Variants in PGM2L1 observed in about 807,000 individuals in gnomAD.
The protein encoded by PGM2L1 is glucose 1,6-bisphosphate synthase.
In PGM2L1, 35 loss-of-function variants were observed where a neutral mutation model predicts 73.4. The ratio of observed to expected loss-of-function variants is 0.48; its 90% CI spans 0.36 to 0.63. The LOEUF is 0.63. Among genes scored for constraint, PGM2L1 ranks in the 30% least tolerant of loss-of-function variants. PGM2L1 has a pLI of 0.00. For synonymous variants in PGM2L1, 225 were observed against 253.8 expected (o/e 0.89, Z 1.08); for missense variants, 570 against 742.0 (o/e 0.77, Z 2.69).
At chr11:74,354,725 C>A (rs536144664) in intron 5 of PGM2L1, 3 of 1,075,494 alleles carry the variant, frequency 2.8e-6, no homozygotes, top group East Asian at 4.7e-5. Context: ...AGAGAAAATT[C>A]TCAAACACCA....
chr11:74,374,118 T>A (rs1285405307), intron 2 of PGM2L1, among the ~76,000 whole-genome samples: 1 of 148,334 alleles, frequency 6.7e-6, no homozygotes, highest in African/African-American at 2.5e-5. Flanking sequence ...AGAGTCTCGC[T>A]CTGTTGCCAG....
intron 1 of PGM2L1, among the ~76,000 whole-genome samples, chr11:74,391,336 A>T (rs1863099238): frequency 6.6e-6 from 1 of 151,874 alleles, no homozygotes. Context: ...TAGATGCTGA[A>T]TTCTTTTTCA....
rs1862089221 is a variant in PGM2L1, at chr11:74,335,956, A to C, written c.*696T>G. The C allele has an allele frequency of 6.6e-6, 1 of 152,632 alleles. No homozygotes were observed. The highest frequency in any genetic ancestry group is 1.5e-5 in the Non-Finnish European group (1 of 68,038). The allele number at this position is 152,632 out of a possible 1,614,324, so 9.5% of individuals were successfully genotyped here. On this transcript the variant is annotated 3_prime_UTR_variant, in exon 14 of 14. Coordinates refer to ENST00000298198, the MANE Select transcript of PGM2L1 (RefSeq NM_173582.6). ...ACCAGACCCTGAGAAGGCACTGAGAAATTTGATAAGAACAAAGCCAATAGG... is the reference window on the plus strand; with the variant it reads ...ACCAGACCCTGAGAAGGCACTGAGACATTTGATAAGAACAAAGCCAATAGG...
At chr11:74,350,890 A>G (rs1016034197) in intron 6 of PGM2L1, among the ~76,000 whole-genome samples, 1 of 114,380 alleles carries the variant, frequency 8.7e-6, no homozygotes, top group Non-Finnish European at 2.0e-5. Flanking sequence ...AAAAAAGGAA[A>G]GAAAGAAAGA....
intron 4 of PGM2L1, among the ~76,000 whole-genome samples, chr11:74,370,405 C>T (rs1862734476): frequency 6.6e-6 from 1 of 152,126 alleles, no homozygotes; most frequent in Admixed American, 6.5e-5. Context: ...TTTAAAAATT[C>T]CAAACAGGGG....
At chr11:74,353,786 T>G (rs976542381) in intron 5 of PGM2L1, among the ~76,000 whole-genome samples, 14 of 129,450 alleles carry the variant, frequency 1.1e-4, no homozygotes, top group African/African-American at 3.6e-4. Context: ...TCCCCACACT[T>G]CCCCCACTTC....
intron 3 of PGM2L1, among the ~76,000 whole-genome samples, 154 bp from the exon 4 acceptor site, chr11:74,371,140 T>C (rs553129681): frequency 3.5e-4 from 53 of 152,346 alleles, no homozygotes; most frequent in African/African-American, 1.2e-3. Context: ...CTTCATGCCC[T>C]AATTGGAAAA....
intron 5 of PGM2L1, among the ~76,000 whole-genome samples, chr11:74,361,983 T>C (rs529262539): frequency 6.6e-6 from 1 of 152,294 alleles, no homozygotes; most frequent in East Asian, 1.9e-4. Flanking sequence ...TGCAGGATAT[T>C]ATCCAGGAGA....
Position 74,383,348 on chromosome 11 carries a change from TA to T in PGM2L1, c.112-8767del, listed in dbSNP as rs751151082. On this transcript the variant is annotated intron_variant, in intron 1 of 13. Coordinates refer to ENST00000298198, the MANE Select transcript of PGM2L1 (RefSeq NM_173582.6). ...ACATAAATGCACAGAAAAATAAAACTAAAAAAAAATGTGATTGTTCCTTATA... is the reference window on the plus strand; with the variant it reads ...ACATAAATGCACAGAAAAATAAAACTAAAAAAAATGTGATTGTTCCTTATA... Among the ~76,000 whole-genome samples, 36 of 150,858 alleles carry T rather than the reference TA, an allele frequency of 2.4e-4. No homozygotes were observed. The East Asian group carries it at 3.5e-3, about 15-fold the overall frequency.
Position 74,374,526 on chromosome 11 carries a change from CTCCTTGTTCATCCCAT to C in PGM2L1, c.152_167del (p.Asn51SerfsTer10). 6.2e-7 allele frequency: 1 copy of C among 1,614,182 alleles called. No homozygotes were observed. Among genetic ancestry groups the C allele is most frequent in the Non-Finnish European group, 8.5e-7 (1 of 1,180,004 alleles). Reference sequence around the variant, plus strand: ...TTCGGCAACAAAGACGATCTCGCAGCTCCTTGTTCATCCCATTCCGTAACAGGTTTTCAATCTGCTC... The same window carrying C: ...TTCGGCAACAAAGACGATCTCGCAGCTCCGTAACAGGTTTTCAATCTGCTC... On this transcript the variant is annotated frameshift_variant, in exon 2 of 14. Coordinates refer to ENST00000298198, the MANE Select transcript of PGM2L1 (RefSeq NM_173582.6). LOFTEE classifies it high-confidence loss of function.
chr11:74,372,645 T>G (rs565141007), intron 2 of PGM2L1, among the ~76,000 whole-genome samples: 2 of 152,030 alleles, frequency 1.3e-5, no homozygotes, highest in African/African-American at 4.8e-5. Context: ...TCTTTCAATA[T>G]TTCTTTTAAG....
chr11:74,397,874 C>A, intron 1 of PGM2L1, 177 bp downstream of exon 1: 1 of 1,145,844 alleles, frequency 8.7e-7, no homozygotes, highest in Non-Finnish European at 1.1e-6. Flanking sequence ...CCGCCCGGCT[C>A]TGGCAGTCCG....
chr11:74,354,004 A>AT (rs566366175), intron 5 of PGM2L1, among the ~76,000 whole-genome samples: 146 of 152,112 alleles, frequency 9.6e-4, no homozygotes, highest in African/African-American at 3.4e-3. Flanking sequence ...TTTATAAAAC[A>AT]TAAGAAAAAA....
intron 5 of PGM2L1, chr11:74,355,058 T>C: frequency 2.3e-6 from 3 of 1,315,798 alleles, no homozygotes; most frequent in Non-Finnish European, 3.2e-6. Flanking sequence ...ACTTTGGTGG[T>C]GGTCGTGGAG....
intron 6 of PGM2L1, among the ~76,000 whole-genome samples, chr11:74,348,009 A>G (rs1287674745): frequency 6.6e-6 from 1 of 151,980 alleles, no homozygotes; most frequent in Non-Finnish European, 1.5e-5. Context: ...CCTTCATCTC[A>G]TACATCACTC....
At chr11:74,361,591 A>G (rs1406907174) in intron 5 of PGM2L1, among the ~76,000 whole-genome samples, 1 of 152,206 alleles carries the variant, frequency 6.6e-6, no homozygotes, top group African/African-American at 2.4e-5. Flanking sequence ...CAGATGATCA[A>G]ACTTCTCCAA....
intron 5 of PGM2L1, among the ~76,000 whole-genome samples, chr11:74,361,178 C>A (rs971368843): frequency 6.6e-6 from 1 of 152,072 alleles, no homozygotes; most frequent in Non-Finnish European, 1.5e-5. Flanking sequence ...CTCACACGGC[C>A]GGGTACCCCT....
chr11:74,351,336 T>G (rs1862349496), intron 6 of PGM2L1, 47 bp downstream of exon 6: 1 of 1,510,386 alleles, frequency 6.6e-7, no homozygotes. Context: ...TCCTCATTCT[T>G]TAACGTTATT....
chr11:74,354,158 G>A (rs1394924937), intron 5 of PGM2L1, among the ~76,000 whole-genome samples: 1 of 151,970 alleles, frequency 6.6e-6, no homozygotes, highest in African/African-American at 2.4e-5. Context: ...ATCATGGAGT[G>A]ACAGAACCAT....
Sources: allele counts gnomAD v4.1 joint callset (sites outside exome capture counted in the v4.1 genomes callset), GRCh38; gene constraint gnomAD v4.1.1; transcripts MANE v1.5; gene names NCBI Gene and HGNC (gene_info 2026-07-23, HGNC 2026-07-21).